IGF1R: variants seen among roughly 807,000 people sequenced by gnomAD.
IGF1R encodes insulin-like growth factor 1 receptor.
Under a neutral mutation model 144.6 loss-of-function variants are expected in IGF1R, and 44 were observed. The ratio of observed to expected loss-of-function variants is 0.30; its 90% confidence interval spans 0.24 to 0.39. The LOEUF is 0.39. Ranked by LOEUF, IGF1R falls within the 10% of genes least tolerant of loss-of-function variation. The probability of loss-of-function intolerance (pLI) is 1.00; values close to 1 mark genes in which losing one functional copy is unlikely to be tolerated. For missense variants in IGF1R, 1,355 were observed against 1,833.7 expected (o/e 0.74, Z 4.77); for synonymous variants, 795 against 722.8 (o/e 1.10, Z -1.60).
intron 2 of IGF1R, among the ~76,000 whole-genome samples, chr15:98,761,495 G>T (rs547596353): frequency 1.3e-5 from 2 of 152,190 alleles, no homozygotes; most frequent in African/African-American, 4.8e-5. Flanking sequence ...CAAACCTTCC[G>T]TAATTTGCCT....
At chr15:98,821,624 AGAT>A (rs2056804847) in intron 2 of IGF1R, among the ~76,000 whole-genome samples, 1 of 152,216 alleles carries the variant, frequency 6.6e-6, no homozygotes, top group African/African-American at 2.4e-5. Flanking sequence ...GCTCTTCCAT[AGAT>A]GATGAAACCA....
chr15:98,892,544 A>G (rs907560055), intron 3 of IGF1R, among the ~76,000 whole-genome samples: 33 of 152,036 alleles, frequency 2.2e-4, no homozygotes, highest in Admixed American at 8.5e-4. Flanking sequence ...AAAAAAAAAA[A>G]AGAGAAGTTC....
chr15:98,838,035 T>C (rs1158458852), intron 2 of IGF1R, among the ~76,000 whole-genome samples: 1 of 152,248 alleles, frequency 6.6e-6, no homozygotes, highest in Non-Finnish European at 1.5e-5. Context: ...GAGAGTCTTT[T>C]AGGTACTGAT....
chr15:98,885,816 A>AT (rs3073979), intron 2 of IGF1R, among the ~76,000 whole-genome samples: 18,175 of 137,670 alleles, frequency 0.13, 1,392 homozygotes, highest in African/African-American at 0.2. Flanking sequence ...TGAGTCTCCT[A>AT]TTTTTTTTTT....
chr15:98,859,193 A>C (rs2012006961), intron 2 of IGF1R, among the ~76,000 whole-genome samples: 1 of 152,322 alleles, frequency 6.6e-6, no homozygotes, highest in South Asian at 2.1e-4. Flanking sequence ...TCGGTGTAAA[A>C]ATTCAGCATG....
At chr15:98,694,835 G>C (rs2053561019) in intron 1 of IGF1R, among the ~76,000 whole-genome samples, 1 of 152,188 alleles carries the variant, frequency 6.6e-6, no homozygotes, top group Admixed American at 6.5e-5. Flanking sequence ...ACTTTCCTGT[G>C]GCTTGCTGGG....
chr15:98,822,960 G>A (rs776956865), intron 2 of IGF1R, among the ~76,000 whole-genome samples: 19 of 152,120 alleles, frequency 1.2e-4, no homozygotes, highest in Non-Finnish European at 2.4e-4. Flanking sequence ...TTCTATTTTA[G>A]AGTTTTCCCA....
At chr15:98,923,701 C>T (rs534990554) in intron 11 of IGF1R, 175 bp from the exon 12 acceptor site, 66 of 634,850 alleles carry the variant, frequency 1.0e-4, no homozygotes, top group South Asian at 4.3e-4. Context: ...GGGCAGTGTA[C>T]GTGGCTGATC....
In IGF1R at chr15:98,957,452, C is replaced by A. The variant is rs1377293987; in HGVS notation, c.*10C>A. ...GTCTTCGACCTGCTGATCCTTGGAT[C>A]CTGAATCTGTGCAAACAGTAACGTG... On this transcript the variant is annotated 3_prime_UTR_variant, in exon 21 of 21. Transcript: ENST00000650285. 1.9e-6 allele frequency: 3 copies of A among 1,612,658 alleles called. No individual in the cohort carries two copies. The highest frequency in any genetic ancestry group is 2.7e-5 in the African/African-American group (2 of 74,938).
chr15:98,864,141 C>T (rs1006174411), intron 2 of IGF1R, among the ~76,000 whole-genome samples: 3 of 152,028 alleles, frequency 2.0e-5, no homozygotes, highest in African/African-American at 7.2e-5. Flanking sequence ...TGTGGTCCCA[C>T]TTACTTGGGA....
intron 15 of IGF1R, among the ~76,000 whole-genome samples, chr15:98,933,246 A>G (rs1015504262): frequency 2.6e-5 from 4 of 152,174 alleles, no homozygotes; most frequent in African/African-American, 7.2e-5. Context: ...GGAGGTGTAG[A>G]ATTGAGCCTG....
At chr15:98,850,300 C>T (rs1174604504) in intron 2 of IGF1R, among the ~76,000 whole-genome samples, 4 of 152,308 alleles carry the variant, frequency 2.6e-5, no homozygotes, top group East Asian at 1.9e-4. Flanking sequence ...AAGGAGCCAG[C>T]CACTCACAGA....
chr15:98,738,384 G>C (rs2054661643), intron 2 of IGF1R, among the ~76,000 whole-genome samples: 1 of 152,176 alleles, frequency 6.6e-6, no homozygotes, highest in Non-Finnish European at 1.5e-5. Context: ...AAAGTGATCA[G>C]TGGGACCTGG....
At chr15:98,742,039 G>A (rs1483164383) in intron 2 of IGF1R, among the ~76,000 whole-genome samples, 3 of 152,174 alleles carry the variant, frequency 2.0e-5, no homozygotes, top group Admixed American at 2.0e-4. Flanking sequence ...GTGAGGCAAG[G>A]GAACTTGACT....
At chr15:98,899,672 G>A (rs181789388) in intron 5 of IGF1R, 51 bp downstream of exon 5, 14 of 1,572,458 alleles carry the variant, frequency 8.9e-6, no homozygotes, top group East Asian at 2.2e-5. Flanking sequence ...AATAAGCAGC[G>A]TGCTTATGAA....
At chr15:98,676,563 T>A (rs2053051953) in intron 1 of IGF1R, among the ~76,000 whole-genome samples, 1 of 147,198 alleles carries the variant, frequency 6.8e-6, no homozygotes, top group Non-Finnish European at 1.5e-5. Context: ...CCACTCAGGT[T>A]AAAAAAAAAA....
At chr15:98,726,881 G>A (rs1441224042) in intron 2 of IGF1R, among the ~76,000 whole-genome samples, 1 of 151,834 alleles carries the variant, frequency 6.6e-6, no homozygotes, top group African/African-American at 2.4e-5. Context: ...CACCATGCCC[G>A]GCTAATTTTT....
chr15:98,758,513 G>A lies in IGF1R; in HGVS notation c.640+50406G>A, dbSNP rs574481649. On this transcript the variant is annotated intron_variant, in intron 2 of 20. Coordinates refer to ENST00000650285, the MANE Select transcript of IGF1R (RefSeq NM_000875.5). ...TAAGCCAGGAAACAGATACTGTGCC[G>A]CTGAGTTGCTCTGTTCCCAGTCTCT... Among the ~76,000 whole-genome samples the A allele has an allele frequency of 1.4e-4, 21 of 152,316 alleles. No homozygotes were observed. The East Asian group carries it at 1.7e-3, about 13-fold the overall frequency.
At chr15:98,660,088 C>A (rs985435219) in intron 1 of IGF1R, 1 of 152,214 alleles carries the variant, frequency 6.6e-6, no homozygotes, top group African/African-American at 2.4e-5. Flanking sequence ...AAGCCTTAAA[C>A]CTGTTTCCCC....
Sources: allele counts gnomAD v4.1 joint callset (sites outside exome capture counted in the v4.1 genomes callset), GRCh38; gene constraint gnomAD v4.1.1; transcripts MANE v1.5; gene names NCBI Gene and HGNC (gene_info 2026-07-23, HGNC 2026-07-21).